Variants in PARP8 observed in about 807,000 individuals in gnomAD.
The protein encoded by PARP8 is protein mono-ADP-ribosyltransferase PARP8.
PARP8 carries 51 observed loss-of-function variants against 124.1 expected under a neutral mutation model. The observed-to-expected ratio is 0.41, with a 90% CI of 0.33 to 0.52. PARP8 has a LOEUF of 0.52. Ranked by LOEUF, PARP8 falls within the 20% of genes least tolerant of loss-of-function variation. The pLI, the probability that PARP8 is intolerant of heterozygous loss-of-function variation, is 0.21. For synonymous variants in PARP8, 391 were observed against 361.5 expected (o/e 1.08, Z -0.93); for missense variants, 860 against 1,018.9 (o/e 0.84, Z 2.12).
chr5:50,696,349 C>T (rs1202019460), intron 2 of PARP8, among the ~76,000 whole-genome samples: 1 of 152,032 alleles, frequency 6.6e-6, no homozygotes, highest in Non-Finnish European at 1.5e-5. Flanking sequence ...AAAATTGTCC[C>T]AAGTTTTGAA....
intron 23 of PARP8, among the ~76,000 whole-genome samples, chr5:50,833,617 C>T (rs1747238253): frequency 1.3e-5 from 2 of 151,470 alleles, no homozygotes. Flanking sequence ...AGTAGGTGAT[C>T]TGAAATAATT....
chr5:50,750,724 T>C (rs922015787), intron 3 of PARP8, among the ~76,000 whole-genome samples: 1 of 152,112 alleles, frequency 6.6e-6, no homozygotes, highest in African/African-American at 2.4e-5. Flanking sequence ...CATTTGAAAA[T>C]ACTTTCTTAA....
chr5:50,845,635 T>C lies in PARP8; in HGVS notation c.*3567T>C, dbSNP rs1748557468. The C allele has an allele frequency of 6.6e-6, 1 of 151,810 alleles. No individual in the cohort carries two copies. The highest frequency in any genetic ancestry group is 1.5e-5 in the Non-Finnish European group (1 of 67,820). 9.4% of individuals were successfully genotyped at this position (151,810 alleles called of 1,614,324 possible). The stretch of plus-strand genomic sequence containing the variant: ...GTTACTTCTGGACAATGTGGTAACA[T>C]GGATATTTCAGTCACTGGTAACAAT... On this transcript the variant is annotated 3_prime_UTR_variant, in exon 26 of 26. Coordinates refer to ENST00000281631, the MANE Select transcript of PARP8 (RefSeq NM_024615.4).
chr5:50,829,822 T>C, intron 21 of PARP8, 70 bp from the exon 22 acceptor site: 1 of 1,414,268 alleles, frequency 7.1e-7, no homozygotes, highest in South Asian at 1.6e-5. Context: ...ATGAAACTGA[T>C]TGCTTTGTCA....
Position 50,822,369 on chromosome 5 carries a change from A to AT in PARP8, c.1830dup (p.Ser611Ter). 6.2e-7 allele frequency: 1 copy of AT among 1,611,822 alleles called. No homozygotes were observed. The highest frequency in any genetic ancestry group is 8.5e-7 in the Non-Finnish European group (1 of 1,178,118). On this transcript the variant is annotated frameshift_variant, in exon 17 of 26. Transcript: ENST00000281631. LOFTEE classifies it high-confidence loss of function. The stretch of plus-strand genomic sequence containing the variant: ...TATGATCGAGTAATGAAAGCACTGG[A>AT]TAGCATAACTTCTATCAGAGAAATG...
chr5:50,836,488 A>C (rs1436306738), intron 25 of PARP8, among the ~76,000 whole-genome samples: 1 of 152,180 alleles, frequency 6.6e-6, no homozygotes, highest in Non-Finnish European at 1.5e-5. Context: ...GCTGTTATAC[A>C]TTCCCAGGTA....
chr5:50,762,376 T>A (rs1430501493), intron 6 of PARP8, among the ~76,000 whole-genome samples: 1 of 152,136 alleles, frequency 6.6e-6, no homozygotes, highest in Non-Finnish European at 1.5e-5. Context: ...TTATGAAGAA[T>A]CATCATAATT....
At chr5:50,755,785 T>C (rs1388652896) in intron 3 of PARP8, among the ~76,000 whole-genome samples, 1 of 152,234 alleles carries the variant, frequency 6.6e-6, no homozygotes, top group African/African-American at 2.4e-5. Flanking sequence ...ATGGCCATTT[T>C]CACGATATTG....
At chr5:50,743,629 A>G (rs958268243) in intron 2 of PARP8, among the ~76,000 whole-genome samples, 18 of 152,138 alleles carry the variant, frequency 1.2e-4, no homozygotes, top group Non-Finnish European at 2.9e-5. Context: ...TTGCAAGTGA[A>G]CAAAGACTGA....
At chr5:50,811,285 A>G (rs1744404245) in intron 14 of PARP8, among the ~76,000 whole-genome samples, 1 of 152,130 alleles carries the variant, frequency 6.6e-6, no homozygotes, top group Non-Finnish European at 1.5e-5. Flanking sequence ...GAATATAAAC[A>G]GACCAGGGTT....
At chr5:50,762,691 T>A (rs947880993) in intron 6 of PARP8, among the ~76,000 whole-genome samples, 31 of 152,198 alleles carry the variant, frequency 2.0e-4, no homozygotes, top group African/African-American at 7.5e-4. Flanking sequence ...GAGATGGATA[T>A]AATAAAACGG....
chr5:50,691,818 G>T (rs1313182824), intron 2 of PARP8, among the ~76,000 whole-genome samples: 1 of 152,138 alleles, frequency 6.6e-6, no homozygotes, highest in Admixed American at 6.5e-5. Flanking sequence ...GCCAGTGCCT[G>T]ACTCCATTAG....
chr5:50,797,821 A>G (rs1255216082), intron 14 of PARP8, among the ~76,000 whole-genome samples: 5 of 152,254 alleles, frequency 3.3e-5, no homozygotes, highest in Non-Finnish European at 7.3e-5. Flanking sequence ...TTGCTAAAAT[A>G]TAACTTATAA....
In PARP8 at chr5:50,832,772, T is replaced by C. The variant is rs750253631; in HGVS notation, c.2234-9T>C. On this transcript the variant is annotated splice_polypyrimidine_tract_variant and intron_variant, in intron 22 of 25. Coordinates refer to ENST00000281631, the MANE Select transcript of PARP8 (RefSeq NM_024615.4). ...TGTCCCTAAATTATTATTTTGCCGA[T>C]GTTTTCAGGGATGAACAAGAAACAG... The C allele has an allele frequency of 1.1e-5, 18 of 1,612,980 alleles. No homozygotes were observed. The highest frequency in any genetic ancestry group is 1.5e-5 in the Non-Finnish European group (18 of 1,179,248).
At chr5:50,791,583 A>G (rs1163245090) in intron 10 of PARP8, among the ~76,000 whole-genome samples, 1 of 152,204 alleles carries the variant, frequency 6.6e-6, no homozygotes, top group Admixed American at 6.5e-5. Flanking sequence ...GTATTTTCTC[A>G]TGGCTGACCT....
intron 7 of PARP8, among the ~76,000 whole-genome samples, chr5:50,768,309 A>G (rs1364799470): frequency 5.3e-5 from 8 of 152,204 alleles, no homozygotes; most frequent in Non-Finnish European, 1.2e-4. Flanking sequence ...ACAGTGGCTC[A>G]AAGTCCATAT....
chr5:50,794,108 G>A, intron 10 of PARP8, 99 bp from the exon 11 acceptor site: 4 of 1,299,726 alleles, frequency 3.1e-6, no homozygotes, highest in Non-Finnish European at 3.1e-6. Context: ...CTATGTGTTT[G>A]CATTTATTTG....
At chr5:50,735,854 G>C (rs1403290005) in intron 2 of PARP8, among the ~76,000 whole-genome samples, 1 of 151,776 alleles carries the variant, frequency 6.6e-6, no homozygotes, top group African/African-American at 2.4e-5. Context: ...ATCTAGGTCA[G>C]GTAGGGCAGT....
chr5:50,841,541 G>A (rs1262901004), intron 25 of PARP8, among the ~76,000 whole-genome samples: 3 of 151,900 alleles, frequency 2.0e-5, no homozygotes, highest in Non-Finnish European at 2.9e-5. Flanking sequence ...AGCAGTGGTA[G>A]AAAGTGAAGT....
Sources: gnomAD v4.1 joint callset for allele counts (sites outside exome capture counted in the v4.1 genomes callset) on GRCh38, gnomAD v4.1.1 for gene constraint, MANE v1.5 for transcripts, NCBI Gene and HGNC (gene_info 2026-07-23, HGNC 2026-07-21) for gene names.